LZTFL1: variants seen among roughly 807,000 people sequenced by gnomAD.
LZTFL1 encodes the protein leucine zipper transcription factor like 1.
In LZTFL1, 25 loss-of-function variants were observed where a neutral mutation model predicts 45.9. The observed-to-expected ratio is 0.54, with a 90% CI of 0.40 to 0.76. The LOEUF (loss-of-function observed/expected upper bound fraction) is 0.76. LZTFL1 is among the 30% of genes least tolerant of loss of function. The probability of loss-of-function intolerance (pLI) is 0.00; values close to 1 mark genes in which losing one functional copy is unlikely to be tolerated. For missense variants in LZTFL1, 277 were observed against 331.1 expected (o/e 0.84, Z 1.27); for synonymous variants, 93 against 117.4 (o/e 0.79, Z 1.35).
At chr3:45,907,705 C>T (rs1247799897) in intron 2 of LZTFL1, among the ~76,000 whole-genome samples, 1 of 152,212 alleles carries the variant, frequency 6.6e-6, no homozygotes, top group East Asian at 1.9e-4. Context: ...GTGTGGCACA[C>T]TGCTTGTCCC....
Position 45,901,377 on chromosome 3 carries a change from A to G in LZTFL1, c.-215+11743T>C, listed in dbSNP as rs1427713293. Reference sequence around the variant, plus strand: ...AATCAAGGAGGAATCCGGCATTGCTATCTGCACCATGGTTTACCCTAGCGA... The same window carrying G: ...AATCAAGGAGGAATCCGGCATTGCTGTCTGCACCATGGTTTACCCTAGCGA... On this transcript the variant is annotated intron_variant, in intron 2 of 4. Transcript: ENST00000472635. This position sits in a 1 kb window ranked among gnomAD's most constrained non-coding sequence, Gnocchi z 4.3. 1.9e-6 allele frequency: 3 copies of G among 1,614,204 alleles called. No homozygotes were observed. Among genetic ancestry groups the G allele is most frequent in the Non-Finnish European group, 1.7e-6 (2 of 1,180,036 alleles).
chr3:45,883,774 A>G (rs1457820157), intron 2 of LZTFL1: 2 of 565,558 alleles, frequency 3.5e-6, no homozygotes, highest in Admixed American at 5.0e-5. Context: ...CCATGAACAC[A>G]GTCAGGAACA....
At position 45,901,276 on chromosome 3, in the gene LZTFL1, T is replaced by G. The variant is rs1195028396; in HGVS notation, c.-215+11844A>C. The G allele has an allele frequency of 2.8e-5, 45 of 1,614,116 alleles. No homozygotes were observed. The highest frequency in any genetic ancestry group is 3.4e-5 in the Non-Finnish European group (40 of 1,180,050). On this transcript the variant is annotated intron_variant, in intron 2 of 4. Transcript: ENST00000472635. The surrounding 1 kb of genome is among the most constrained non-coding windows in gnomAD (Gnocchi z 4.3). ...CATACTTGGAGGGAGAAAAGGCTTT[T>G]GTACAGCAAAATGGTTTGCTTTACC...
At chr3:45,874,971 C>G (rs1434878260) in intron 2 of LZTFL1, among the ~76,000 whole-genome samples, 1 of 152,232 alleles carries the variant, frequency 6.6e-6, no homozygotes, top group Admixed American at 6.5e-5. Context: ...CCTGGGCTAG[C>G]AGGCCCAACT....
chr3:45,843,786 A>G (rs1378954487), upstream of LZTFL1, among the ~76,000 whole-genome samples: 1 of 152,214 alleles, frequency 6.6e-6, no homozygotes, highest in African/African-American at 2.4e-5. Context: ...CTGAACATGA[A>G]TTTTAGTCTC....
chr3:45,832,996 G>C (rs965659028), intron 5 of LZTFL1, 54 bp downstream of exon 5: 46 of 1,316,060 alleles, frequency 3.5e-5, no homozygotes, highest in Non-Finnish European at 3.6e-5. Context: ...CTCCACCCTA[G>C]GCAATGACAG....
intron 2 of LZTFL1, among the ~76,000 whole-genome samples, chr3:45,879,420 A>G (rs1701811412): frequency 6.6e-6 from 1 of 152,270 alleles, no homozygotes; most frequent in Admixed American, 6.5e-5. Flanking sequence ...AAAAGGCTAT[A>G]TACTGTATGA....
chr3:45,905,238 GTC>G lies in LZTFL1; in HGVS notation c.-215+7880_-215+7881del, dbSNP rs202220992. ...CACACCATAGTGCTTCTGCAATAAA[GTC>G]TCTCTCTCTCCCCATCTCATGTGCT... is the stretch of plus-strand genomic sequence containing the variant. On this transcript the variant is annotated intron_variant, in intron 2 of 4. Coordinates refer to the LZTFL1 transcript ENST00000472635. Among the ~76,000 whole-genome samples, 1,389 of 152,158 alleles carry G rather than the reference GTC, an allele frequency of 9.1e-3. 14 individuals carry two copies. The highest frequency in any genetic ancestry group is 0.015 in the Non-Finnish European group (1,021 of 67,998).
Position 45,825,168 on chromosome 3 carries a change from T to C in LZTFL1, c.*1146A>G, listed in dbSNP as rs1700632637. On this transcript the variant is annotated 3_prime_UTR_variant, in exon 10 of 10. Transcript: ENST00000296135. ...ATCTTCATTTGTGGAAATGGAATGA[T>C]GTCTCTTAGTAGACAGTGTTCATTT... 1 of 329,574 alleles carries C rather than the reference T, an allele frequency of 3.0e-6. No individual in the cohort carries two copies. Among genetic ancestry groups the C allele is most frequent in the Non-Finnish European group, 5.4e-6 (1 of 183,504 alleles). The allele number at this position is 329,574 out of a possible 1,614,324, so 20.4% of individuals were successfully genotyped here. A position where few individuals can be genotyped will look rare whatever the true frequency, so the allele number is the denominator to read the frequency against.
intron 2 of LZTFL1, among the ~76,000 whole-genome samples, chr3:45,884,656 C>A (rs1412990511): frequency 6.6e-6 from 1 of 152,162 alleles, no homozygotes; most frequent in Non-Finnish European, 1.5e-5. Flanking sequence ...ACCTTGTATG[C>A]TCTTACCTGA....
At chr3:45,891,217 T>A (rs895470091) in intron 2 of LZTFL1, among the ~76,000 whole-genome samples, 4 of 152,268 alleles carry the variant, frequency 2.6e-5, no homozygotes, top group Non-Finnish European at 5.9e-5. Context: ...AGGCTGGGGC[T>A]ACTCATTTTT....
At chr3:45,858,153 GAATA>G (rs1162897856) in intron 3 of LZTFL1, among the ~76,000 whole-genome samples, 3 of 152,122 alleles carry the variant, frequency 2.0e-5, no homozygotes, top group Admixed American at 6.6e-5. Context: ...TTTCCAAGAA[GAATA>G]AATAAGTATA....
chr3:45,893,286 C>G (rs751962822), intron 2 of LZTFL1, among the ~76,000 whole-genome samples: 4 of 152,126 alleles, frequency 2.6e-5, no homozygotes, highest in Non-Finnish European at 2.9e-5. Context: ...TCCTGAGTAG[C>G]TGAGACTACA....
In LZTFL1 at chr3:45,835,610, G is replaced by A. The variant is rs890715711; in HGVS notation, c.303C>T (p.Asp101=). 8.1e-6 allele frequency: 13 copies of A among 1,614,030 alleles called. No homozygotes were observed. Among genetic ancestry groups the A allele is most frequent in the Non-Finnish European group, 1.1e-5 (13 of 1,179,962 alleles). The change falls in exon 3 of 10, where the codon GAC becomes GAT. Residue 101 remains aspartate (D), a synonymous_variant. Transcript: ENST00000296135. ...AEKWYLKLQT[D]ISELENRELL... is the part of the protein sequence containing the mutation. ...ATTACCGGTTTTCAAGTTCAGAGATGTCTGTCTGTAGCTTAAGATACCACT... is the reference window on the plus strand; with the variant it reads ...ATTACCGGTTTTCAAGTTCAGAGATATCTGTCTGTAGCTTAAGATACCACT...
At chr3:45,885,274 C>T (rs925895661) in intron 2 of LZTFL1, among the ~76,000 whole-genome samples, 2 of 152,090 alleles carry the variant, frequency 1.3e-5, no homozygotes, top group African/African-American at 4.8e-5. Flanking sequence ...TCCCCCAGAA[C>T]AAATATATAA....
In LZTFL1 at chr3:45,875,286, T is replaced by C. The variant is rs1052295967; in HGVS notation, c.-214-16270A>G. ...TAGTATTTAGAATAGTGTCTGACTA[T>C]AGTAAGTGCAAAATCAGTTTTGAGT... On this transcript the variant is annotated intron_variant, in intron 2 of 4. Transcript: ENST00000472635. Among the ~76,000 whole-genome samples, 44 of 152,216 alleles carry C rather than the reference T, an allele frequency of 2.9e-4. 3 individuals carry two copies. The highest frequency in any genetic ancestry group is 2.9e-5 in the Non-Finnish European group (2 of 68,052).
chr3:45,839,297 C>T (rs901362017), intron 1 of LZTFL1, among the ~76,000 whole-genome samples: 1 of 152,104 alleles, frequency 6.6e-6, no homozygotes, highest in Non-Finnish European at 1.5e-5. Context: ...ACCGTGTCAG[C>T]CAGGATGGTC....
At chr3:45,853,564 G>T (rs1701340160) in intron 4 of LZTFL1, among the ~76,000 whole-genome samples, 1 of 151,942 alleles carries the variant, frequency 6.6e-6, no homozygotes, top group African/African-American at 2.4e-5. Context: ...TTCTCTTCTT[G>T]CTCTACTGAT....
In LZTFL1 at chr3:45,898,752, C is replaced by A. The variant is rs549367033; in HGVS notation, c.-215+14368G>T. Among the ~76,000 whole-genome samples, 5 of 152,344 alleles carry A rather than the reference C, an allele frequency of 3.3e-5. No individual in the cohort carries two copies. The East Asian group carries it at 9.6e-4, about 29-fold the overall frequency. On this transcript the variant is annotated intron_variant, in intron 2 of 4. Coordinates refer to the LZTFL1 transcript ENST00000472635. ...TGAGCCCTGATATCTAAGAAGCCCT[C>A]CACAAACACACACACAACAGGTTCT...
Sources: allele counts gnomAD v4.1 joint callset (sites outside exome capture counted in the v4.1 genomes callset), GRCh38; gene constraint gnomAD v4.1.1; non-coding constraint Gnocchi (gnomAD v3.1); transcripts MANE v1.5; gene names NCBI Gene and HGNC (gene_info 2026-07-23, HGNC 2026-07-21).